Variants in THSD7B observed in about 807,000 individuals in gnomAD.
THSD7B encodes thrombospondin type-1 domain-containing protein 7B.
A neutral mutation model predicts 213.6 loss-of-function variants in THSD7B; 138 were observed. The ratio of observed to expected loss-of-function variants is 0.65; its 90% CI spans 0.56 to 0.74. THSD7B has a LOEUF of 0.74. THSD7B is among the 30% of genes least tolerant of loss of function. The pLI is 0.00. For synonymous variants in THSD7B, 742 were observed against 687.0 expected (o/e 1.08, Z -1.25); for missense variants, 1,931 against 1,991.5 (o/e 0.97, Z 0.58).
intron 12 of THSD7B, among the ~76,000 whole-genome samples, chr2:137,288,204 AGAG>A (rs1683229179): frequency 6.6e-6 from 1 of 152,248 alleles, no homozygotes; most frequent in South Asian, 2.1e-4. Context: ...AAAAACTAAC[AGAG>A]GAGAGTCAAA....
rs527377692 is a variant in THSD7B at position 137,218,983 on chromosome 2, A to G, written c.1724-12061A>G. On this transcript the variant is annotated intron_variant, in intron 7 of 27. Transcript: ENST00000409968. ...TACTTTTTTTTCAACTGAGTTTGTG[A>G]AAAAAAAAATAGAAAATTGAGATAC... Among the ~76,000 whole-genome samples the G allele has an allele frequency of 9.4e-4, 24 of 25,570 alleles. No individual in the cohort carries two copies. The South Asian group carries it at 0.037, about 39-fold the overall frequency. 16.8% of individuals were successfully genotyped at this position (25,570 alleles called of 152,430 possible). A position where few individuals can be genotyped will look rare whatever the true frequency, so the allele number is the denominator to read the frequency against.
intron 2 of THSD7B, among the ~76,000 whole-genome samples, chr2:136,966,523 A>T (rs9287456): frequency 0.39 from 59,389 of 152,076 alleles, 13,135 homozygotes; most frequent in East Asian, 0.66. Flanking sequence ...AGCCAACAAC[A>T]TGTCTTGAAT....
intron 4 of THSD7B, among the ~76,000 whole-genome samples, chr2:137,102,489 G>A (rs183744010): frequency 2.6e-5 from 4 of 152,248 alleles, no homozygotes; most frequent in African/African-American, 9.6e-5. Context: ...CTCCTCCAAC[G>A]GATCACAACT....
At chr2:137,440,967 T>A (rs1687396514) in intron 14 of THSD7B, among the ~76,000 whole-genome samples, 1 of 152,140 alleles carries the variant, frequency 6.6e-6, no homozygotes, top group East Asian at 1.9e-4. Context: ...GTATCAGACC[T>A]GTCTTCACAG....
intron 1 of THSD7B, among the ~76,000 whole-genome samples, chr2:136,873,371 A>G (rs1419777034): frequency 6.6e-6 from 1 of 152,192 alleles, no homozygotes; most frequent in African/African-American, 2.4e-5. Flanking sequence ...TGTCATGCTG[A>G]GGTCTGCAGA....
chr2:137,177,867 T>C (rs1053881034), intron 7 of THSD7B, among the ~76,000 whole-genome samples: 4 of 152,048 alleles, frequency 2.6e-5, no homozygotes, highest in African/African-American at 7.2e-5. Context: ...GGTCAGGAGA[T>C]TGAGACCATC....
At chr2:137,587,880 T>G (rs1164026567) in intron 17 of THSD7B, among the ~76,000 whole-genome samples, 1 of 152,208 alleles carries the variant, frequency 6.6e-6, no homozygotes, top group East Asian at 1.9e-4. Context: ...CAGGGACATT[T>G]AAGTCTGCAG....
chr2:136,872,997 T>C (rs570800081), intron 1 of THSD7B, among the ~76,000 whole-genome samples: 1 of 112,064 alleles, frequency 8.9e-6, no homozygotes, highest in Non-Finnish European at 1.6e-5. Flanking sequence ...CACTCCAGCC[T>C]GGGTGACAGA....
intron 15 of THSD7B, among the ~76,000 whole-genome samples, chr2:137,501,182 G>C (rs913248982): frequency 6.6e-6 from 1 of 151,464 alleles, no homozygotes; most frequent in Non-Finnish European, 1.5e-5. Context: ...CACTGCATCT[G>C]CCCCTTTTGG....
chr2:137,448,263 C>G (rs1239603848), intron 14 of THSD7B, among the ~76,000 whole-genome samples: 1 of 152,196 alleles, frequency 6.6e-6, no homozygotes, highest in Non-Finnish European at 1.5e-5. Context: ...CAAACTAAGT[C>G]TGAAGTTTTT....
At chr2:137,479,546 G>C in intron 15 of THSD7B, 1 of 332,774 alleles carries the variant, frequency 3.0e-6, no homozygotes, top group Non-Finnish European at 6.1e-6. Flanking sequence ...TTAGGCAGGT[G>C]GCTGGGGACC....
intron 12 of THSD7B, among the ~76,000 whole-genome samples, chr2:137,376,147 T>G (rs1254707143): frequency 1.3e-5 from 2 of 152,214 alleles, no homozygotes. Flanking sequence ...ACTTCTAAAT[T>G]CGGGTTTTAC....
chr2:137,315,765 A>T (rs2104870617), intron 12 of THSD7B, among the ~76,000 whole-genome samples: 1 of 152,312 alleles, frequency 6.6e-6, no homozygotes, highest in South Asian at 2.1e-4. Context: ...TTTCTCAGAT[A>T]GCTAGCCAGT....
chr2:136,872,009 C>T (rs562607572), intron 1 of THSD7B, among the ~76,000 whole-genome samples: 3 of 151,978 alleles, frequency 2.0e-5, no homozygotes, highest in East Asian at 1.9e-4. Context: ...CCTATGTTCA[C>T]GTTCAGCAGG....
intron 7 of THSD7B, among the ~76,000 whole-genome samples, chr2:137,179,294 A>G (rs914999964): frequency 6.6e-6 from 1 of 152,166 alleles, no homozygotes; most frequent in East Asian, 1.9e-4. Context: ...TAGTTATAGC[A>G]TTAGTCACAG....
At chr2:137,648,258 T>G (rs1683074142) in intron 21 of THSD7B, among the ~76,000 whole-genome samples, 2 of 152,206 alleles carry the variant, frequency 1.3e-5, no homozygotes, top group South Asian at 4.1e-4. Flanking sequence ...CTGGCCATTT[T>G]GAAATATATA....
intron 14 of THSD7B, among the ~76,000 whole-genome samples, chr2:137,426,760 T>C (rs1348731740): frequency 6.6e-6 from 1 of 152,068 alleles, no homozygotes; most frequent in Admixed American, 6.6e-5. Flanking sequence ...ATTTTGGATA[T>C]GACGCCAAAA....
At chr2:137,353,435 C>T (rs1364446923) in intron 12 of THSD7B, among the ~76,000 whole-genome samples, 3 of 152,054 alleles carry the variant, frequency 2.0e-5, no homozygotes, top group Admixed American at 6.6e-5. Context: ...CCCGTGTATC[C>T]TTCACTGACC....
At chr2:137,510,774 T>C (rs1679944131) in intron 15 of THSD7B, among the ~76,000 whole-genome samples, 1 of 152,168 alleles carries the variant, frequency 6.6e-6, no homozygotes, top group Non-Finnish European at 1.5e-5. Context: ...TCATTTTTCT[T>C]TGGTTGCTTT....
Sources: gnomAD v4.1 joint callset for allele counts (sites outside exome capture counted in the v4.1 genomes callset) on GRCh38, gnomAD v4.1.1 for gene constraint, MANE v1.5 for transcripts, NCBI Gene and HGNC (gene_info 2026-07-23, HGNC 2026-07-21) for gene names.